ARHGAP15: variants seen among roughly 807,000 people sequenced by gnomAD.
ARHGAP15 encodes the protein rho GTPase-activating protein 15.
A neutral mutation model predicts 63.7 loss-of-function variants in ARHGAP15; 51 were observed. That is an observed-to-expected ratio of 0.80 (90% CI 0.64 to 1.01). The LOEUF (loss-of-function observed/expected upper bound fraction) is 1.01, where lower values mean the gene tolerates loss of function less well. ARHGAP15 is among the 50% of genes least tolerant of loss of function. The pLI, the probability that ARHGAP15 is intolerant of heterozygous loss-of-function variation, is 0.00. For missense variants in ARHGAP15, 560 were observed against 564.6 expected (o/e 0.99, Z 0.08); for synonymous variants, 191 against 193.8 (o/e 0.99, Z 0.12).
At chr2:143,234,849 C>T (rs1321292166) in intron 5 of ARHGAP15, among the ~76,000 whole-genome samples, 1 of 152,180 alleles carries the variant, frequency 6.6e-6, no homozygotes, top group African/African-American at 2.4e-5. Flanking sequence ...GCTTCCCTCA[C>T]TGAATTCATA....
At chr2:143,578,856 TATG>T (rs1464881990) in intron 11 of ARHGAP15, among the ~76,000 whole-genome samples, 2 of 152,190 alleles carry the variant, frequency 1.3e-5, no homozygotes, top group South Asian at 2.1e-4. Flanking sequence ...GATGAGCTAA[TATG>T]ATAGGCATTT....
intron 6 of ARHGAP15, among the ~76,000 whole-genome samples, chr2:143,380,263 G>T (rs980635028): frequency 2.6e-5 from 4 of 152,036 alleles, no homozygotes; most frequent in African/African-American, 9.7e-5. Flanking sequence ...TCCATTCCTG[G>T]CTCTGTTACT....
At chr2:143,613,613 C>T (rs1230108655) in intron 11 of ARHGAP15, among the ~76,000 whole-genome samples, 1 of 152,188 alleles carries the variant, frequency 6.6e-6, no homozygotes, top group East Asian at 1.9e-4. Context: ...AATATTTTGA[C>T]TTCCCTGAAC....
At chr2:143,143,699 C>T (rs952644675) in intron 1 of ARHGAP15, among the ~76,000 whole-genome samples, 1 of 151,666 alleles carries the variant, frequency 6.6e-6, no homozygotes, top group African/African-American at 2.4e-5. Flanking sequence ...ACATGCTAAG[C>T]CATTCTATCC....
rs540399293 is a variant in ARHGAP15 at position 143,188,852 on chromosome 2, CT to C, written c.166-13281del. On this transcript the variant is annotated intron_variant, in intron 2 of 13. Transcript: ENST00000295095. ...TATTGGCCAGACTGGTCTCGAACCCCTGACCTTGTGATCCACCTGCCTCGGC... is the reference window on the plus strand; with the variant it reads ...TATTGGCCAGACTGGTCTCGAACCCCGACCTTGTGATCCACCTGCCTCGGC... Among the ~76,000 whole-genome samples the C allele has an allele frequency of 9.3e-4, 142 of 152,020 alleles. 1 individual carries two copies. The highest frequency in any genetic ancestry group is 3.4e-3 in the African/African-American group (139 of 41,472).
intron 6 of ARHGAP15, among the ~76,000 whole-genome samples, chr2:143,421,040 C>T (rs949345568): frequency 6.6e-6 from 1 of 152,216 alleles, no homozygotes; most frequent in African/African-American, 2.4e-5. Context: ...ATCTCTGTCT[C>T]TGATAGTTTG....
At chr2:143,696,294 G>A (rs1307491852) in intron 12 of ARHGAP15, among the ~76,000 whole-genome samples, 2 of 151,656 alleles carry the variant, frequency 1.3e-5, no homozygotes, top group Admixed American at 6.6e-5. Context: ...TGAAAAGATA[G>A]CAACCAACTT....
intron 11 of ARHGAP15, among the ~76,000 whole-genome samples, chr2:143,561,869 G>A (rs183329684): frequency 5.6e-4 from 85 of 152,210 alleles, no homozygotes; most frequent in African/African-American, 2.0e-3. Context: ...CTCTACTTGT[G>A]CAAACAAGGA....
intron 12 of ARHGAP15, among the ~76,000 whole-genome samples, chr2:143,697,026 C>T (rs1313914725): frequency 6.6e-6 from 1 of 152,118 alleles, no homozygotes; most frequent in African/African-American, 2.4e-5. Flanking sequence ...GAGAAGGGCA[C>T]AGAACCTTGA....
intron 11 of ARHGAP15, among the ~76,000 whole-genome samples, chr2:143,613,643 C>T (rs1020704791): frequency 6.6e-6 from 1 of 152,158 alleles, no homozygotes; most frequent in Non-Finnish European, 1.5e-5. Flanking sequence ...ATGTGATACA[C>T]AAAAATTCGT....
rs143446032 is a variant in ARHGAP15 at position 143,309,555 on chromosome 2, C to T, written c.474+58955C>T. 5.9e-3 allele frequency among the ~76,000 whole-genome samples: 901 copies of T among 152,120 alleles called. 4 individuals carry two copies. The highest frequency in any genetic ancestry group is 0.013 in the South Asian group (61 of 4,822). ...TATGTTTTAAGAATGAATACTATTC[C>T]TCTGTGATGGTGGAACCAGTTTGGT... On this transcript the variant is annotated intron_variant, in intron 6 of 13. Coordinates refer to ENST00000295095, the MANE Select transcript of ARHGAP15 (RefSeq NM_018460.4).
chr2:143,398,828 T>A (rs559156020), intron 6 of ARHGAP15, among the ~76,000 whole-genome samples: 1 of 151,810 alleles, frequency 6.6e-6, no homozygotes, highest in South Asian at 2.1e-4. Flanking sequence ...ATTTTTGACC[T>A]GGCTAGACAG....
chr2:143,477,311 A>T (rs1444977120), intron 8 of ARHGAP15, among the ~76,000 whole-genome samples: 1 of 152,116 alleles, frequency 6.6e-6, no homozygotes, highest in Admixed American at 6.6e-5. Context: ...AGACACTGGG[A>T]TGGAGGCTGA....
chr2:143,136,829 A>G (rs528426338), intron 1 of ARHGAP15, among the ~76,000 whole-genome samples: 7 of 152,132 alleles, frequency 4.6e-5, no homozygotes, highest in Non-Finnish European at 1.0e-4. Flanking sequence ...TGATGATTGG[A>G]AATCTTAGGC....
At chr2:143,405,455 A>G (rs549178358) in intron 6 of ARHGAP15, among the ~76,000 whole-genome samples, 2 of 151,960 alleles carry the variant, frequency 1.3e-5, no homozygotes, top group East Asian at 1.9e-4. Context: ...TACTCCCTTT[A>G]TAAAACATAA....
At chr2:143,591,803 A>G (rs1452470549) in intron 11 of ARHGAP15, among the ~76,000 whole-genome samples, 1 of 151,850 alleles carries the variant, frequency 6.6e-6, no homozygotes, top group Admixed American at 6.6e-5. Flanking sequence ...TATTTTTAGT[A>G]GAGACGGGGT....
intron 11 of ARHGAP15, among the ~76,000 whole-genome samples, chr2:143,603,883 T>C (rs111504850): frequency 1.3e-5 from 2 of 152,260 alleles, no homozygotes; most frequent in Admixed American, 6.5e-5. Flanking sequence ...AAGAATAAAC[T>C]CCTCTTCTTC....
At chr2:143,322,255 G>A (rs994211516) in intron 6 of ARHGAP15, among the ~76,000 whole-genome samples, 12 of 152,200 alleles carry the variant, frequency 7.9e-5, no homozygotes, top group African/African-American at 2.9e-4. Flanking sequence ...ATGGCACTTA[G>A]GAGATACTAT....
At chr2:143,261,324 CCTTT>C in intron 6 of ARHGAP15, among the ~76,000 whole-genome samples, 1 of 135,526 alleles carries the variant, frequency 7.4e-6, no homozygotes, top group African/African-American at 2.9e-5. Context: ...GGAGGAATGA[CCTTT>C]TTTTTTTTTT....
Sources: allele counts gnomAD v4.1 joint callset (sites outside exome capture counted in the v4.1 genomes callset), GRCh38; gene constraint gnomAD v4.1.1; transcripts MANE v1.5; gene names NCBI Gene and HGNC (gene_info 2026-07-23, HGNC 2026-07-21).